ASAP2: variants seen among roughly 807,000 people sequenced by gnomAD.
ASAP2 encodes the protein arf-GAP with SH3 domain, ANK repeat and PH domain-containing protein 2.
A neutral mutation model predicts 131.4 loss-of-function variants in ASAP2; 45 were observed. The ratio of observed to expected loss-of-function variants is 0.34; its 90% CI spans 0.27 to 0.44. ASAP2 has a LOEUF of 0.44. ASAP2 is among the 20% of genes least tolerant of loss of function. The pLI is 1.00. For synonymous variants in ASAP2, 510 were observed against 503.0 expected (o/e 1.01, Z -0.19); for missense variants, 1,011 against 1,297.0 (o/e 0.78, Z 3.39).
intron 7 of ASAP2, among the ~76,000 whole-genome samples, chr2:9,332,394 G>C (rs1243695070): frequency 2.0e-5 from 3 of 152,166 alleles, no homozygotes; most frequent in Non-Finnish European, 2.9e-5. Flanking sequence ...GGTACGGGAA[G>C]GTCAGCACTT....
intron 16 of ASAP2, among the ~76,000 whole-genome samples, chr2:9,373,350 T>C (rs550010513): frequency 1.3e-5 from 2 of 152,354 alleles, no homozygotes; most frequent in East Asian, 3.9e-4. Context: ...AGCCTCACGC[T>C]GCGGCGTGTC....
rs1225119355 is a variant in ASAP2 at position 9,217,666 on chromosome 2, G to C, written c.126+10436G>C. Among the ~76,000 whole-genome samples, 2 of 151,748 alleles carry C rather than the reference G, an allele frequency of 1.3e-5. No individual in the cohort carries two copies. Among genetic ancestry groups the C allele is most frequent in the African/African-American group, 2.4e-5 (1 of 41,340 alleles). On this transcript the variant is annotated intron_variant, in intron 1 of 27. Transcript: ENST00000281419. The surrounding 1 kb of genome is among the most constrained non-coding windows in gnomAD (Gnocchi z 4.0). ...TCTTCGCTCTGCCACCCAGGCTGGA[G>C]TGCGGTGGCACAATCTCGGCTCACT...
At position 9,388,446 on chromosome 2, in the gene ASAP2, G is replaced by A. The variant is rs1377426819; in HGVS notation, c.2283G>A (p.Glu761=). The A allele has an allele frequency of 1.9e-6, 3 of 1,614,062 alleles. No individual in the cohort carries two copies. The highest frequency in any genetic ancestry group is 2.7e-5 in the African/African-American group (2 of 74,924). ...RAFMPSILQN[E]TYGALLSGSP... is the part of the protein sequence containing the mutation. ...TCATGCCCAGCATCTTGCAGAATGA[G>A]ACTTACGGAGCCCTCCTGAGTGGCA... The change falls in exon 22 of 28, where the codon GAG becomes GAA. Residue 761 remains glutamate, a synonymous_variant. Transcript: ENST00000281419.
intron 1 of ASAP2, among the ~76,000 whole-genome samples, chr2:9,225,518 C>T (rs1345943923): frequency 6.6e-6 from 1 of 152,146 alleles, no homozygotes; most frequent in African/African-American, 2.4e-5. Flanking sequence ...CCTCTGAGGT[C>T]ATGAGTAAGT....
intron 12 of ASAP2, among the ~76,000 whole-genome samples, chr2:9,355,237 A>G (rs1288745365): frequency 6.6e-6 from 1 of 152,092 alleles, no homozygotes; most frequent in Admixed American, 6.5e-5. Flanking sequence ...CCAGAACCCC[A>G]TGTTACATTT....
In ASAP2 at chr2:9,382,095, T is replaced by C. The variant is rs372358495; in HGVS notation, c.2016+1287T>C. Among the ~76,000 whole-genome samples, 6 of 151,650 alleles carry C rather than the reference T, an allele frequency of 4.0e-5. No homozygotes were observed. In the East Asian group the frequency reaches 9.8e-4, roughly 25 times the overall value. Reference sequence around the variant, plus strand: ...GCCTCCCAGGTTTAAGCAATTCTTCTGCCTCAGCCTCCTGAGTAACTCGGA... The same window carrying C: ...GCCTCCCAGGTTTAAGCAATTCTTCCGCCTCAGCCTCCTGAGTAACTCGGA... On this transcript the variant is annotated intron_variant, in intron 20 of 27. Coordinates refer to ENST00000281419, the MANE Select transcript of ASAP2 (RefSeq NM_003887.3).
chr2:9,314,311 G>A (rs1669504894), intron 3 of ASAP2, among the ~76,000 whole-genome samples: 1 of 152,212 alleles, frequency 6.6e-6, no homozygotes, highest in Non-Finnish European at 1.5e-5. Context: ...TACTGTTGCT[G>A]TATGCAAAAT....
chr2:9,304,904 G>A (rs1387551129), intron 3 of ASAP2, among the ~76,000 whole-genome samples: 1 of 150,788 alleles, frequency 6.6e-6, no homozygotes, highest in African/African-American at 2.4e-5. Flanking sequence ...GAGTAGTGGG[G>A]TGTAGATGTT....
intron 3 of ASAP2, among the ~76,000 whole-genome samples, chr2:9,317,243 A>T (rs564385786): frequency 1.1e-4 from 16 of 149,420 alleles, no homozygotes; most frequent in Non-Finnish European, 2.1e-4. Flanking sequence ...AACCACACTC[A>T]TACACACCCC....
chr2:9,270,784 C>CTTTTTTTTTTTTTTTTTTTTTT (rs1666294703), intron 1 of ASAP2, among the ~76,000 whole-genome samples: 1 of 69,740 alleles, frequency 1.4e-5, no homozygotes, highest in African/African-American at 5.1e-5. Context: ...CAATTGTTTT[C>CTTTTTTTTTTTTTTTTTTTTTT]ATTTTTTTTT....
Position 9,401,416 on chromosome 2 carries a change from G to A in ASAP2, c.2946+20G>A. On this transcript the variant is annotated intron_variant, in intron 27 of 27. Coordinates refer to ENST00000281419, the MANE Select transcript of ASAP2 (RefSeq NM_003887.3). The stretch of plus-strand genomic sequence containing the variant: ...TGGTGGGTGAGTCAAGGGTGGGCCT[G>A]GGAGGTTCCTGGGGGCTGAGCCACG... 1 of 1,611,592 alleles carries A rather than the reference G, an allele frequency of 6.2e-7. No homozygotes were observed. The highest frequency in any genetic ancestry group is 8.5e-7 in the Non-Finnish European group (1 of 1,179,076).
At chr2:9,334,201 G>GTTTTTTTTTTTTTTTTT (rs111579113) in intron 7 of ASAP2, among the ~76,000 whole-genome samples, 1 of 129,494 alleles carries the variant, frequency 7.7e-6, no homozygotes, top group Non-Finnish European at 1.6e-5. Flanking sequence ...TTTTGTATTT[G>GTTTTTTTTTTTTTTTTT]TTTTTTTTTT....
intron 2 of ASAP2, among the ~76,000 whole-genome samples, chr2:9,289,162 G>A (rs537577328): frequency 1.3e-5 from 2 of 152,160 alleles, no homozygotes; most frequent in Non-Finnish European, 2.9e-5. Context: ...GAAGCCTTTT[G>A]GCTGCTCTCC....
At chr2:9,370,121 A>G (rs1673829680) in intron 16 of ASAP2, among the ~76,000 whole-genome samples, 1 of 152,218 alleles carries the variant, frequency 6.6e-6, no homozygotes, top group Non-Finnish European at 1.5e-5. Context: ...TACAGACATG[A>G]GCCACTGTAC....
chr2:9,239,725 C>G (rs1663809754), intron 1 of ASAP2, among the ~76,000 whole-genome samples: 1 of 152,000 alleles, frequency 6.6e-6, no homozygotes, highest in Non-Finnish European at 1.5e-5. Flanking sequence ...ACTGTAATGG[C>G]AGCATCTTTT....
chr2:9,213,223 C>T (rs1050563015), intron 1 of ASAP2, among the ~76,000 whole-genome samples: 4 of 152,186 alleles, frequency 2.6e-5, no homozygotes, highest in Non-Finnish European at 4.4e-5. Context: ...GAGAGGAAGC[C>T]AGCCACAGAA....
rs917419251 is a variant in ASAP2, at chr2:9,232,025, G to A, written c.126+24795G>A. Among the ~76,000 whole-genome samples, 2 of 152,168 alleles carry A rather than the reference G, an allele frequency of 1.3e-5. No homozygotes were observed. Among genetic ancestry groups the A allele is most frequent in the African/African-American group, 4.8e-5 (2 of 41,438 alleles). Reference sequence around the variant, plus strand: ...CTCCATTCCTCCAGCTGCAGTGGGTGCCCCTGTCATTTGTCAGCCAGAGCA... The same window carrying A: ...CTCCATTCCTCCAGCTGCAGTGGGTACCCCTGTCATTTGTCAGCCAGAGCA... On this transcript the variant is annotated intron_variant, in intron 1 of 27. Transcript: ENST00000281419. The surrounding 1 kb of genome is among the most constrained non-coding windows in gnomAD (Gnocchi z 4.1).
chr2:9,345,721 C>T (rs1671923230), intron 11 of ASAP2, among the ~76,000 whole-genome samples: 2 of 152,108 alleles, frequency 1.3e-5, no homozygotes, highest in Non-Finnish European at 2.9e-5. Context: ...TCTTTCCTGC[C>T]CCTTGTCCCT....
intron 2 of ASAP2, among the ~76,000 whole-genome samples, chr2:9,280,029 G>A (rs1286123515): frequency 6.6e-6 from 1 of 152,154 alleles, no homozygotes; most frequent in Non-Finnish European, 1.5e-5. Flanking sequence ...GTTTCATTCA[G>A]CAACAAAAAG....
Sources: gnomAD v4.1 joint callset for allele counts (sites outside exome capture counted in the v4.1 genomes callset) on GRCh38, gnomAD v4.1.1 for gene constraint, Gnocchi (gnomAD v3.1) non-coding constraint, MANE v1.5 for transcripts, NCBI Gene and HGNC (gene_info 2026-07-23, HGNC 2026-07-21) for gene names.